Variants in SYN2 observed in about 807,000 individuals in gnomAD.
SYN2 encodes the protein synapsin-2.
In SYN2, 19 loss-of-function variants were observed where a neutral mutation model predicts 50.9. The observed-to-expected ratio is 0.37, with a 90% CI of 0.26 to 0.55. The LOEUF (loss-of-function observed/expected upper bound fraction) is 0.55, where lower values mean the gene tolerates loss of function less well. Ranked by LOEUF, SYN2 falls within the 20% of genes least tolerant of loss-of-function variation. The pLI is 0.81. For missense variants in SYN2, 587 were observed against 576.4 expected, an observed-to-expected ratio of 1.02 and a Z score of -0.19; for synonymous variants, 255 against 224.9, an observed-to-expected ratio of 1.13 and a Z score of -1.20.
At chr3:12,024,118 G>T (rs902529237) in intron 1 of SYN2, among the ~76,000 whole-genome samples, 1 of 149,816 alleles carries the variant, frequency 6.7e-6, no homozygotes, top group Non-Finnish European at 1.5e-5. Flanking sequence ...CATTACCAGC[G>T]CCTGCTAAGC....
intron 1 of SYN2, among the ~76,000 whole-genome samples, chr3:12,015,297 T>C (rs1694003685): frequency 6.6e-6 from 1 of 152,220 alleles, no homozygotes; most frequent in Admixed American, 6.5e-5. Flanking sequence ...GCCCACTGTA[T>C]TATAATCAGG....
In SYN2 at chr3:12,004,895, T is replaced by G; in HGVS notation, c.344T>G (p.Val115Gly). The G allele has an allele frequency of 1.7e-6, 1 of 583,178 alleles. No individual in the cohort carries two copies. Among genetic ancestry groups the G allele is most frequent in the Non-Finnish European group, 3.1e-6 (1 of 326,382 alleles). 36.1% of individuals were successfully genotyped at this position (583,178 alleles called of 1,614,324 possible). ...PAPAAARKAKVLLVVDEPHAD... is the reference protein window; with the variant it reads ...PAPAAARKAKGLLVVDEPHAD... ...CCCGCAGCCGCCAGGAAGGCCAAGG[T>G]GCTGCTGGTGGTCGACGAGCCGCAC... is the stretch of plus-strand genomic sequence containing the variant. Residue 115 changes from valine to glycine, a missense_variant, in exon 1 of 13, where the codon GTG (valine) becomes GGG (glycine). Physicochemically the swap from Val to Gly is moderately radical, Grantham distance 109. Transcript: ENST00000621198.
chr3:12,010,334 C>T (rs1693889517), intron 1 of SYN2, among the ~76,000 whole-genome samples: 1 of 150,776 alleles, frequency 6.6e-6, no homozygotes, highest in Non-Finnish European at 1.5e-5. Flanking sequence ...GAATGGAGGC[C>T]TAAATAGGAA....
intron 1 of SYN2, among the ~76,000 whole-genome samples, chr3:12,124,294 G>A (rs550881799): frequency 1.3e-5 from 2 of 152,186 alleles, no homozygotes; most frequent in Admixed American, 6.5e-5. Context: ...ATGTGACATA[G>A]GAGGAGAGTA....
intron 1 of SYN2, among the ~76,000 whole-genome samples, chr3:12,113,430 C>T (rs1206696798): frequency 6.6e-6 from 1 of 152,094 alleles, no homozygotes; most frequent in East Asian, 1.9e-4. Flanking sequence ...GCTATATTTA[C>T]CCCTCCCCAT....
chr3:12,020,861 TAAAC>T (rs1304115903), intron 1 of SYN2, among the ~76,000 whole-genome samples: 2 of 152,196 alleles, frequency 1.3e-5, no homozygotes, highest in Non-Finnish European at 2.9e-5. Context: ...GACAAGCTAT[TAAAC>T]AAGCAATGTA....
chr3:12,172,220 C>T (rs1420974009), intron 10 of SYN2, among the ~76,000 whole-genome samples: 1 of 152,184 alleles, frequency 6.6e-6, no homozygotes, highest in Non-Finnish European at 1.5e-5. Context: ...TGTTTCCTCA[C>T]CTATAAAATG....
rs1445346020 is a variant in SYN2 at position 12,004,571 on chromosome 3, G to C, written c.20G>C (p.Arg7Pro). MMNFLR[R>P]RLSDSSFIAN... ...AGCCAGATGATGAACTTCCTGCGGC[G>C]CCGGCTGTCGGACAGCAGCTTCATC... The change falls in exon 1 of 13, where the codon CGC becomes CCC. Residue 7 changes from arginine (R) to proline (P), a missense_variant. Physicochemically the swap from Arg to Pro is moderately radical, Grantham distance 103. Transcript: ENST00000621198. The C allele has an allele frequency of 1.5e-6, 1 of 670,544 alleles. No homozygotes were observed. The highest frequency in any genetic ancestry group is 2.8e-6 in the Non-Finnish European group (1 of 360,624). 41.5% of individuals were successfully genotyped at this position (670,544 alleles called of 1,614,324 possible).
At chr3:12,073,567 C>G (rs1695408325) in intron 1 of SYN2, among the ~76,000 whole-genome samples, 1 of 152,196 alleles carries the variant, frequency 6.6e-6, no homozygotes, top group Non-Finnish European at 1.5e-5. Flanking sequence ...AAAAAGAAAA[C>G]CAAAAATAAA....
intron 1 of SYN2, among the ~76,000 whole-genome samples, chr3:12,005,996 G>GT (rs56407872): frequency 9.9e-4 from 145 of 145,840 alleles, no homozygotes; most frequent in Non-Finnish European, 1.0e-3. Context: ...CAAGGGTTTT[G>GT]TTTTTTTTTT....
chr3:12,151,014 A>G (rs183322649), intron 4 of SYN2, among the ~76,000 whole-genome samples: 100 of 152,328 alleles, frequency 6.6e-4, no homozygotes, highest in African/African-American at 2.3e-3. Flanking sequence ...ACATCATTAC[A>G]ATTGAGAAAG....
intron 1 of SYN2, among the ~76,000 whole-genome samples, chr3:12,102,827 C>T (rs967956285): frequency 2.6e-5 from 4 of 152,142 alleles, no homozygotes; most frequent in South Asian, 2.1e-4. Flanking sequence ...TTTAAAAGAT[C>T]GTTTGTTACT....
At chr3:12,125,297 G>T (rs1033975712) in intron 1 of SYN2, among the ~76,000 whole-genome samples, 1 of 151,914 alleles carries the variant, frequency 6.6e-6, no homozygotes, top group Non-Finnish European at 1.5e-5. Context: ...ACCACGCCCA[G>T]CCAGCTGCTG....
chr3:12,147,980 G>A (rs1697190678), intron 4 of SYN2, among the ~76,000 whole-genome samples: 1 of 152,122 alleles, frequency 6.6e-6, no homozygotes, highest in African/African-American at 2.4e-5. Context: ...CGGGTGTGGT[G>A]GCAGGTGCCT....
chr3:12,044,203 A>ACACACACACC (rs1694685542), intron 1 of SYN2, among the ~76,000 whole-genome samples: 3 of 150,306 alleles, frequency 2.0e-5, no homozygotes, highest in South Asian at 2.2e-4. Context: ...ACACACACAC[A>ACACACACACC]CACACACACA....
At chr3:12,038,361 T>C (rs1163590429) in intron 1 of SYN2, among the ~76,000 whole-genome samples, 1 of 152,158 alleles carries the variant, frequency 6.6e-6, no homozygotes, top group African/African-American at 2.4e-5. Context: ...GTGAGTCATC[T>C]AACTTTGTTG....
intron 1 of SYN2, among the ~76,000 whole-genome samples, chr3:12,018,555 T>G (rs1216386323): frequency 6.6e-6 from 1 of 152,166 alleles, no homozygotes; most frequent in African/African-American, 2.4e-5. Flanking sequence ...TGATTTCCCT[T>G]TGGTGCTAGC....
intron 1 of SYN2, among the ~76,000 whole-genome samples, chr3:12,056,791 A>ACC (rs1445296137): frequency 6.6e-6 from 1 of 152,168 alleles, no homozygotes; most frequent in Non-Finnish European, 1.5e-5. Context: ...TGGGTGGTAT[A>ACC]CCAATGTCTC....
intron 1 of SYN2, among the ~76,000 whole-genome samples, chr3:12,137,278 C>T (rs1696916650): frequency 6.7e-6 from 1 of 150,196 alleles, no homozygotes; most frequent in African/African-American, 2.4e-5. Flanking sequence ...CCGTACTGGG[C>T]ATCTTATCTG....
Sources: gnomAD v4.1 joint callset for allele counts (sites outside exome capture counted in the v4.1 genomes callset) on GRCh38, gnomAD v4.1.1 for gene constraint, MANE v1.5 for transcripts, NCBI Gene and HGNC (gene_info 2026-07-23, HGNC 2026-07-21) for gene names.